CDH8: variants seen among roughly 807,000 people sequenced by gnomAD.
CDH8 encodes cadherin-8.
Under a neutral mutation model 68.1 loss-of-function variants are expected in CDH8, and 17 were observed. The observed-to-expected ratio is 0.25, with a 90% CI of 0.17 to 0.37. The LOEUF (loss-of-function observed/expected upper bound fraction) is 0.37, where lower values mean the gene tolerates loss of function less well. CDH8 is among the 10% of genes least tolerant of loss of function. The pLI is 1.00. For synonymous variants in CDH8, 372 were observed against 365.1 expected, an observed-to-expected ratio of 1.02 and a Z score of -0.21; for missense variants, 763 against 999.3, an observed-to-expected ratio of 0.76 and a Z score of 3.19.
At chr16:61,767,967 G>A (rs529210864) in intron 8 of CDH8, among the ~76,000 whole-genome samples, 23 of 151,970 alleles carry the variant, frequency 1.5e-4, no homozygotes, top group African/African-American at 5.5e-4. Context: ...CTACAGTGTT[G>A]ATAATAGAAT....
rs1963249025 is a variant in CDH8 at position 61,648,371 on chromosome 16, C to T, written c.*5237G>A. ...TTTGGAAAAGCTGTGATTTCTGTTG[C>T]ACCCATTCTTGAGTTCCCATCTTTT... On this transcript the variant is annotated 3_prime_UTR_variant, in exon 12 of 12. Transcript: ENST00000577390. 6.6e-6 allele frequency: 1 copy of T among 152,476 alleles called. No homozygotes were observed. The highest frequency in any genetic ancestry group is 1.5e-5 in the Non-Finnish European group (1 of 68,420). The allele number at this position is 152,476 out of a possible 1,614,324, so 9.4% of individuals were successfully genotyped here.
At chr16:61,930,581 T>C (rs1182763836) in intron 2 of CDH8, among the ~76,000 whole-genome samples, 3 of 152,186 alleles carry the variant, frequency 2.0e-5, no homozygotes, top group Admixed American at 2.0e-4. Context: ...TGCATTGACC[T>C]TTTGAATTCT....
At chr16:62,015,199 A>G (rs112675523) in intron 2 of CDH8, among the ~76,000 whole-genome samples, 19 of 152,344 alleles carry the variant, frequency 1.2e-4, no homozygotes, top group African/African-American at 4.6e-4. Context: ...TTTAAAAATT[A>G]TAGAAAATTT....
At chr16:61,761,297 G>A (rs1960461012) in intron 8 of CDH8, among the ~76,000 whole-genome samples, 1 of 152,130 alleles carries the variant, frequency 6.6e-6, no homozygotes, top group South Asian at 2.1e-4. Flanking sequence ...TATAAATAGA[G>A]ACCATCTTTA....
At chr16:61,855,706 A>G (rs1362271712) in intron 4 of CDH8, among the ~76,000 whole-genome samples, 1 of 152,166 alleles carries the variant, frequency 6.6e-6, no homozygotes, top group African/African-American at 2.4e-5. Flanking sequence ...CCTGTGCCAT[A>G]GTTATTACCT....
At chr16:61,975,825 G>T (rs1597102887) in intron 2 of CDH8, among the ~76,000 whole-genome samples, 1 of 152,066 alleles carries the variant, frequency 6.6e-6, no homozygotes, top group Admixed American at 6.6e-5. Context: ...AGGTCACAAG[G>T]CTTGTAAGTG....
At chr16:61,802,093 T>A (rs931263012) in intron 7 of CDH8, among the ~76,000 whole-genome samples, 1 of 141,326 alleles carries the variant, frequency 7.1e-6, no homozygotes, top group African/African-American at 2.8e-5. Context: ...AGAGCAGTGG[T>A]TCTCCCAGCA....
chr16:62,021,009 T>G, intron 2 of CDH8, 143 bp downstream of exon 2: 2 of 732,580 alleles, frequency 2.7e-6, no homozygotes, highest in Admixed American at 2.7e-5. Flanking sequence ...ATCGTATTCC[T>G]AACAGAACGA....
At chr16:61,855,186 G>C (rs533000131) in intron 4 of CDH8, among the ~76,000 whole-genome samples, 9 of 152,040 alleles carry the variant, frequency 5.9e-5, no homozygotes, top group African/African-American at 4.8e-5. Flanking sequence ...TTTGATATCT[G>C]TCAGATTGGA....
rs868365633 is a variant in CDH8, at chr16:61,960,387, G to A, written c.253-58914C>T. Among the ~76,000 whole-genome samples, 13 of 125,488 alleles carry A rather than the reference G, an allele frequency of 1.0e-4. 3 individuals are homozygous for A. Among genetic ancestry groups the A allele is most frequent in the Non-Finnish European group, 1.8e-4 (11 of 61,138 alleles). 82.3% of individuals were successfully genotyped at this position (125,488 alleles called of 152,430 possible). A position where few individuals can be genotyped will look rare whatever the true frequency, so the allele number is the denominator to read the frequency against. On this transcript the variant is annotated intron_variant, in intron 2 of 11. Transcript: ENST00000577390. ...CACATACATATATACATGTGTGTGTGTATACACATACATATATACATATAT... is the reference window on the plus strand; with the variant it reads ...CACATACATATATACATGTGTGTGTATATACACATACATATATACATATAT...
At chr16:61,799,548 T>A (rs1056042434) in intron 7 of CDH8, among the ~76,000 whole-genome samples, 1 of 152,116 alleles carries the variant, frequency 6.6e-6, no homozygotes, top group Admixed American at 6.6e-5. Context: ...ATTTCCTCCG[T>A]CATAAAGTTA....
rs551993075 is a variant in CDH8, at chr16:61,800,285, G to A, written c.1278-10803C>T. Among the ~76,000 whole-genome samples the A allele has an allele frequency of 9.9e-5, 15 of 152,192 alleles. No individual in the cohort carries two copies. The East Asian group carries it at 1.2e-3, about 12-fold the overall frequency. On this transcript the variant is annotated intron_variant, in intron 7 of 11. Transcript: ENST00000577390. ...TTACCAAAAATGCTCATTCCTAAACGCAATGTCTACCCACACGGTCTCACC... is the reference window on the plus strand; with the variant it reads ...TTACCAAAAATGCTCATTCCTAAACACAATGTCTACCCACACGGTCTCACC...
intron 4 of CDH8, among the ~76,000 whole-genome samples, chr16:61,852,487 G>C (rs1567500287): frequency 6.6e-6 from 1 of 151,998 alleles, no homozygotes; most frequent in Admixed American, 6.6e-5. Context: ...AAGCAAATCT[G>C]AGCAAGAGTT....
chr16:61,663,658 A>G (rs1178019244), intron 10 of CDH8, among the ~76,000 whole-genome samples: 6 of 151,918 alleles, frequency 3.9e-5, no homozygotes, highest in Admixed American at 3.9e-4. Flanking sequence ...TAACTGATTC[A>G]TTAGAACTAA....
At chr16:61,809,118 G>A (rs1176913073) in intron 7 of CDH8, among the ~76,000 whole-genome samples, 1 of 151,974 alleles carries the variant, frequency 6.6e-6, no homozygotes, top group Non-Finnish European at 1.5e-5. Context: ...CCCGGAAGGT[G>A]GGGGTTGCTG....
intron 3 of CDH8, among the ~76,000 whole-genome samples, chr16:61,890,155 G>C (rs916562483): frequency 6.6e-6 from 1 of 152,114 alleles, no homozygotes; most frequent in Non-Finnish European, 1.5e-5. Context: ...TTTAGAAATA[G>C]CAAGAGCCAA....
At chr16:62,035,497 C>A (rs1355662196) in intron 1 of CDH8, among the ~76,000 whole-genome samples, 1 of 152,146 alleles carries the variant, frequency 6.6e-6, no homozygotes, top group Non-Finnish European at 1.5e-5. Flanking sequence ...GCTGGAGCTG[C>A]CACTTGTGGG....
rs370392284 is a variant in CDH8, at chr16:61,651,367, G to C, written c.*2241C>G. 6.6e-6 allele frequency: 1 copy of C among 152,036 alleles called. No individual in the cohort carries two copies. Among genetic ancestry groups the C allele is most frequent in the Admixed American group, 6.5e-5 (1 of 15,268 alleles). 9.4% of individuals were successfully genotyped at this position (152,036 alleles called of 1,614,324 possible). ...AAGTGTTCACTAGCCGTAATAATACGCATAAAAGATGACTTATTCTCAGCA... is the reference window on the plus strand; with the variant it reads ...AAGTGTTCACTAGCCGTAATAATACCCATAAAAGATGACTTATTCTCAGCA... On this transcript the variant is annotated 3_prime_UTR_variant, in exon 12 of 12. Transcript: ENST00000577390.
At chr16:61,743,539 T>C (rs1166207255) in intron 8 of CDH8, 4 of 152,240 alleles carry the variant, frequency 2.6e-5, no homozygotes, top group Admixed American at 6.5e-5. Context: ...ATTTCTGATA[T>C]TGATGACTTG....
Sources: gnomAD v4.1 joint callset for allele counts (sites outside exome capture counted in the v4.1 genomes callset) on GRCh38, gnomAD v4.1.1 for gene constraint, MANE v1.5 for transcripts, NCBI Gene and HGNC (gene_info 2026-07-23, HGNC 2026-07-21) for gene names.